Variants in SLIT3 observed in about 807,000 individuals in gnomAD.
SLIT3 encodes the protein slit guidance ligand 3.
Under a neutral mutation model 184.0 loss-of-function variants are expected in SLIT3, and 68 were observed. That is an observed-to-expected ratio of 0.37 (90% CI 0.30 to 0.45). The LOEUF (loss-of-function observed/expected upper bound fraction) is 0.45. Ranked by LOEUF, SLIT3 falls within the 20% of genes least tolerant of loss-of-function variation. SLIT3 has a pLI of 1.00. For synonymous variants in SLIT3, 831 were observed against 828.6 expected (o/e 1.00, Z -0.05); for missense variants, 1,707 against 2,026.0 (o/e 0.84, Z 3.02).
chr5:168,773,490 C>T (rs921302850), intron 13 of SLIT3, among the ~76,000 whole-genome samples: 8 of 152,170 alleles, frequency 5.3e-5, no homozygotes, highest in South Asian at 4.2e-4. Flanking sequence ...ACGTGGTCGG[C>T]GTCAATATAT....
chr5:168,915,963 T>C lies in SLIT3; in HGVS notation c.414-32627A>G, dbSNP rs569415197. On this transcript the variant is annotated intron_variant, in intron 4 of 35. Coordinates refer to ENST00000519560, the MANE Select transcript of SLIT3 (RefSeq NM_003062.4). The stretch of plus-strand genomic sequence containing the variant: ...TTTGTTAGGTATGATAATAGTGTTA[T>C]GGTTTTCTTTTTCTTATGATACTTT... 4.9e-4 allele frequency among the ~76,000 whole-genome samples: 75 copies of C among 152,358 alleles called. No individual in the cohort carries two copies. The South Asian group carries it at 0.014, about 29-fold the overall frequency.
intron 1 of SLIT3, among the ~76,000 whole-genome samples, chr5:169,254,834 C>T (rs891841890): frequency 1.3e-5 from 2 of 152,356 alleles, no homozygotes; most frequent in African/African-American, 2.4e-5. Context: ...CTTTGGGACT[C>T]AGCCTCAGCC....
intron 5 of SLIT3, among the ~76,000 whole-genome samples, chr5:168,857,373 T>TTTTTG (rs71593196): frequency 0.29 from 43,114 of 150,830 alleles, 6,327 homozygotes; most frequent in African/African-American, 0.35. Flanking sequence ...AGAGTTTTTG[T>TTTTTG]TTTTGTTTTG....
intron 3 of SLIT3, among the ~76,000 whole-genome samples, chr5:169,231,552 C>T (rs1180763036): frequency 6.6e-6 from 1 of 152,092 alleles, no homozygotes; most frequent in Non-Finnish European, 1.5e-5. Flanking sequence ...ACATTGTTTT[C>T]TTTTTCTACC....
chr5:168,905,847 G>T (rs1288705653), intron 4 of SLIT3, among the ~76,000 whole-genome samples: 1 of 152,238 alleles, frequency 6.6e-6, no homozygotes, highest in Non-Finnish European at 1.5e-5. Context: ...CGTGGGCACA[G>T]AGATGATGTC....
intron 3 of SLIT3, among the ~76,000 whole-genome samples, chr5:169,213,700 T>C (rs963083402): frequency 1.3e-5 from 2 of 152,260 alleles, no homozygotes; most frequent in African/African-American, 2.4e-5. Context: ...TTACTTGTTT[T>C]GTTTACTGTC....
chr5:168,726,546 A>T, intron 20 of SLIT3, among the ~76,000 whole-genome samples: 1 of 95,174 alleles, frequency 1.1e-5, no homozygotes. Context: ...GAGGGGAGGG[A>T]GGGAGGCAGG....
chr5:168,900,661 G>T (rs1353710707), intron 4 of SLIT3, among the ~76,000 whole-genome samples: 1 of 152,062 alleles, frequency 6.6e-6, no homozygotes, highest in African/African-American at 2.4e-5. Context: ...AATTGCACTT[G>T]TATGTTTATC....
chr5:168,750,117 G>A (rs1754647013), intron 18 of SLIT3, among the ~76,000 whole-genome samples: 1 of 152,190 alleles, frequency 6.6e-6, no homozygotes, highest in African/African-American at 2.4e-5. Context: ...GGGAGTGTGC[G>A]GTGACTGGTT....
At chr5:168,857,373 T>TTTTG (rs143735267) in intron 5 of SLIT3, among the ~76,000 whole-genome samples, 2 of 150,816 alleles carry the variant, frequency 1.3e-5, no homozygotes, top group African/African-American at 4.9e-5. Context: ...AGAGTTTTTG[T>TTTTG]TTTTGTTTTG....
intron 18 of SLIT3, chr5:168,752,392 T>C (rs943111413): frequency 1.5e-4 from 4 of 27,212 alleles, no homozygotes; most frequent in African/African-American, 1.4e-3. Context: ...CCCCTGGTTT[T>C]TTTTTTTTTT....
chr5:169,239,912 G>C (rs1431003331), intron 3 of SLIT3, among the ~76,000 whole-genome samples: 1 of 151,870 alleles, frequency 6.6e-6, no homozygotes, highest in African/African-American at 2.4e-5. Flanking sequence ...TAGCTTAAAG[G>C]CTATACATTT....
chr5:169,167,221 C>A (rs551851112), intron 4 of SLIT3, among the ~76,000 whole-genome samples: 101 of 151,010 alleles, frequency 6.7e-4, no homozygotes, highest in African/African-American at 2.4e-3. Flanking sequence ...ATGATATTGA[C>A]CAATATGAAC....
intron 4 of SLIT3, among the ~76,000 whole-genome samples, chr5:169,141,608 G>A (rs560779370): frequency 4.0e-5 from 6 of 151,648 alleles, no homozygotes; most frequent in Non-Finnish European, 7.4e-5. Flanking sequence ...GCGTGGTGGC[G>A]GGTGCCTGTA....
chr5:168,817,284 G>A lies in SLIT3; in HGVS notation c.793+16C>T, dbSNP rs1757363077. The A allele has an allele frequency of 1.2e-6, 2 of 1,613,380 alleles. No homozygotes were observed. The highest frequency in any genetic ancestry group is 1.1e-5 in the South Asian group (1 of 91,060). ...GGTCATAGCACAGGAGGGGAGAGCA[G>A]GTAAAGCATCCTCACCTGGGCACAC... On this transcript the variant is annotated intron_variant, in intron 8 of 35. Coordinates refer to ENST00000519560, the MANE Select transcript of SLIT3 (RefSeq NM_003062.4).
chr5:168,846,789 C>T (rs1325829633), intron 5 of SLIT3, among the ~76,000 whole-genome samples: 1 of 152,170 alleles, frequency 6.6e-6, no homozygotes, highest in Non-Finnish European at 1.5e-5. Flanking sequence ...ATTTGTGAAG[C>T]ATTTTCTATT....
intron 2 of SLIT3, among the ~76,000 whole-genome samples, chr5:169,248,937 T>A (rs921051957): frequency 6.6e-5 from 10 of 152,198 alleles, no homozygotes; most frequent in Non-Finnish European, 7.3e-5. Flanking sequence ...ATCTCCATTT[T>A]ATCTGCTTTT....
intron 33 of SLIT3, among the ~76,000 whole-genome samples, chr5:168,671,857 C>T (rs1448113908): frequency 1.3e-5 from 2 of 152,092 alleles, no homozygotes; most frequent in African/African-American, 4.8e-5. Context: ...ACCTGCTGTC[C>T]CCACCAGGCT....
At chr5:168,959,480 T>C (rs899374298) in intron 4 of SLIT3, among the ~76,000 whole-genome samples, 2 of 152,178 alleles carry the variant, frequency 1.3e-5, no homozygotes, top group Non-Finnish European at 2.9e-5. Context: ...TTGTGCCTCA[T>C]TGTCTGCGTC....
Sources: gnomAD v4.1 joint callset for allele counts (sites outside exome capture counted in the v4.1 genomes callset) on GRCh38, gnomAD v4.1.1 for gene constraint, MANE v1.5 for transcripts, NCBI Gene and HGNC (gene_info 2026-07-23, HGNC 2026-07-21) for gene names.